MAF: variants seen among roughly 807,000 people sequenced by gnomAD.
MAF encodes the protein transcription factor Maf.
Under a neutral mutation model 22.0 loss-of-function variants are expected in MAF, and 10 were observed. The observed-to-expected ratio is 0.45, with a 90% CI of 0.28 to 0.77. The LOEUF (loss-of-function observed/expected upper bound fraction) is 0.77. Ranked by LOEUF, MAF falls within the 30% of genes least tolerant of loss-of-function variation. MAF has a pLI of 0.12. For missense variants in MAF, 544 were observed against 548.4 expected (o/e 0.99, Z 0.08); for synonymous variants, 337 against 255.8 (o/e 1.32, Z -3.03).
the MAF span, among the ~76,000 whole-genome samples, chr16:79,499,922 A>T: frequency 3.3e-5 from 5 of 152,232 alleles, no homozygotes; most frequent in African/African-American, 7.2e-5. Flanking sequence ...GTCCTGGATT[A>T]TTCTGGTTGA....
the MAF span, among the ~76,000 whole-genome samples, chr16:79,398,280 C>T: frequency 6.6e-6 from 1 of 152,222 alleles, no homozygotes; most frequent in South Asian, 2.1e-4. Flanking sequence ...CCAGGATAAT[C>T]TCCCCAAGGT....
At chr16:79,439,623 G>C in the MAF span, among the ~76,000 whole-genome samples, 1 of 152,148 alleles carries the variant, frequency 6.6e-6, no homozygotes, top group South Asian at 2.1e-4. Context: ...CCAAGGAATA[G>C]TATATTGCTG....
At chr16:79,347,208 T>C in the MAF span, among the ~76,000 whole-genome samples, 4 of 152,220 alleles carry the variant, frequency 2.6e-5, no homozygotes, top group South Asian at 2.1e-4. Flanking sequence ...GCTGGAGGAA[T>C]AGAACTTTCC....
chr16:79,274,130 T>A, the MAF span, among the ~76,000 whole-genome samples: 104,188 of 151,280 alleles, frequency 0.69, 36,522 homozygotes, highest in Non-Finnish European at 0.74. Flanking sequence ...AATTTTTGTA[T>A]TTTTAGTAAA....
At chr16:79,216,941 C>T in the MAF span, among the ~76,000 whole-genome samples, 1 of 152,072 alleles carries the variant, frequency 6.6e-6, no homozygotes, top group East Asian at 1.9e-4. Context: ...TCCTGAATAG[C>T]TGGAATTACA....
the MAF span, among the ~76,000 whole-genome samples, chr16:79,421,208 G>A: frequency 2.4e-4 from 37 of 152,176 alleles, no homozygotes; most frequent in Admixed American, 1.7e-3. Context: ...GTTATTGTCC[G>A]CAGTTTCAGG....
the MAF span, among the ~76,000 whole-genome samples, chr16:79,472,313 T>G: frequency 6.6e-6 from 1 of 152,232 alleles, no homozygotes; most frequent in South Asian, 2.1e-4. Flanking sequence ...TAAAGACTTC[T>G]ATGTGAATTC....
At chr16:79,244,038 A>G in the MAF span, among the ~76,000 whole-genome samples, 2 of 152,096 alleles carry the variant, frequency 1.3e-5, no homozygotes, top group African/African-American at 4.8e-5. Flanking sequence ...AAAACTCTCA[A>G]TAAACTAGGT....
At chr16:79,504,992 G>A in the MAF span, among the ~76,000 whole-genome samples, 3 of 152,122 alleles carry the variant, frequency 2.0e-5, no homozygotes, top group East Asian at 1.9e-4. Context: ...TTTGGAGTAT[G>A]CCCTCATCTG....
chr16:79,479,845 T>C, the MAF span, among the ~76,000 whole-genome samples: 4 of 152,194 alleles, frequency 2.6e-5, no homozygotes, highest in Non-Finnish European at 5.9e-5. Flanking sequence ...GTTCAATAAA[T>C]TGTCACTTGG....
the MAF span, among the ~76,000 whole-genome samples, chr16:79,420,659 C>A: frequency 6.6e-6 from 1 of 152,344 alleles, no homozygotes; most frequent in African/African-American, 2.4e-5. Flanking sequence ...GCAGTGCCCC[C>A]TTTTCCAAGG....
the MAF span, among the ~76,000 whole-genome samples, chr16:79,225,986 C>T: frequency 4.6e-5 from 7 of 152,152 alleles, no homozygotes; most frequent in Admixed American, 4.6e-4. Flanking sequence ...CCTCAAGGAT[C>T]TAGAACTAGA....
chr16:79,211,962 C>G, the MAF span: 6 of 1,535,670 alleles, frequency 3.9e-6, no homozygotes, highest in South Asian at 3.6e-5. Context: ...CAATGGGAAG[C>G]AGGGAATTCC....
the MAF span, among the ~76,000 whole-genome samples, chr16:79,538,346 A>T: frequency 9.2e-5 from 14 of 152,234 alleles, no homozygotes; most frequent in African/African-American, 2.9e-4. Context: ...ACTGTTAGAA[A>T]ACTGGTGATT....
chr16:79,255,534 C>T, the MAF span, among the ~76,000 whole-genome samples: 1 of 152,334 alleles, frequency 6.6e-6, no homozygotes, highest in South Asian at 2.1e-4. Flanking sequence ...ACAACAATAA[C>T]ACATTTGCTT....
the MAF span, among the ~76,000 whole-genome samples, chr16:79,374,262 G>C: frequency 4.1e-4 from 63 of 152,240 alleles, no homozygotes; most frequent in African/African-American, 1.5e-3. Flanking sequence ...AATTAATGGT[G>C]CCATTTTCCT....
At chr16:79,464,665 C>T in the MAF span, among the ~76,000 whole-genome samples, 1 of 152,138 alleles carries the variant, frequency 6.6e-6, no homozygotes, top group Non-Finnish European at 1.5e-5. Flanking sequence ...AATGACATAA[C>T]TGAAAACCAT....
the MAF span, among the ~76,000 whole-genome samples, chr16:79,427,058 C>T: frequency 1.3e-5 from 2 of 152,172 alleles, no homozygotes; most frequent in African/African-American, 2.4e-5. Flanking sequence ...ATTGCTGCAC[C>T]GAAAAGTCCA....
the MAF span, among the ~76,000 whole-genome samples, chr16:79,508,957 C>G: frequency 6.6e-6 from 1 of 152,150 alleles, no homozygotes; most frequent in African/African-American, 2.4e-5. Context: ...CTGCCTGGCA[C>G]TGAAAGTGCT....
Sources: gnomAD v4.1 joint callset for allele counts (sites outside exome capture counted in the v4.1 genomes callset) on GRCh38, gnomAD v4.1.1 for gene constraint, MANE v1.5 for transcripts, NCBI Gene and HGNC (gene_info 2026-07-23, HGNC 2026-07-21) for gene names.